The following DCUN1D4 variants were observed in gnomAD, a reference collection of about 807,000 sequenced individuals.
The protein encoded by DCUN1D4 is defective in cullin neddylation 1 domain containing 4, also known as DCN1-like protein 4.
Under a neutral mutation model 47.9 loss-of-function variants are expected in DCUN1D4, and 22 were observed. The observed-to-expected ratio is 0.46, with a 90% CI of 0.33 to 0.66. The LOEUF is 0.66. DCUN1D4 is among the 30% of genes least tolerant of loss of function. DCUN1D4 has a pLI of 0.02. For synonymous variants in DCUN1D4, 121 were observed against 112.2 expected (o/e 1.08, Z -0.50); for missense variants, 301 against 340.8 (o/e 0.88, Z 0.92).
upstream of DCUN1D4, among the ~76,000 whole-genome samples, chr4:51,841,101 A>G (rs1308611377): frequency 1.3e-5 from 2 of 152,252 alleles, no homozygotes; most frequent in Non-Finnish European, 2.9e-5. Flanking sequence ...ATTATAAAGT[A>G]TGCTGCAAAT....
At chr4:51,881,660 TAAAA>T (rs534474397) in intron 5 of DCUN1D4, among the ~76,000 whole-genome samples, 9 of 109,978 alleles carry the variant, frequency 8.2e-5, no homozygotes, top group Non-Finnish European at 9.5e-5. Context: ...AGATACAAGT[TAAAA>T]AAAAAAAAAA....
intron 5 of DCUN1D4, among the ~76,000 whole-genome samples, chr4:51,878,628 C>G (rs1459038819): frequency 6.6e-6 from 1 of 152,220 alleles, no homozygotes; most frequent in Non-Finnish European, 1.5e-5. Flanking sequence ...CCACTCCCCT[C>G]TAATCCCAAC....
chr4:51,905,179 T>TTATTTATAGTTCATATTTA, intron 8 of DCUN1D4: 1 of 454,094 alleles, frequency 2.2e-6, no homozygotes, highest in Non-Finnish European at 4.4e-6. Context: ...TGACTTGAAC[T>TTATTTATAGTTCATATTTA]TATTTATAGT....
intron 1 of DCUN1D4, among the ~76,000 whole-genome samples, chr4:51,846,063 A>G (rs140692828): frequency 6.6e-6 from 1 of 152,302 alleles, no homozygotes; most frequent in African/African-American, 2.4e-5. Flanking sequence ...TTTTTAAAGA[A>G]AATATGAAGC....
chr4:51,863,939 TC>T (rs1725492548), intron 3 of DCUN1D4, among the ~76,000 whole-genome samples: 2 of 152,334 alleles, frequency 1.3e-5, no homozygotes, highest in African/African-American at 4.8e-5. Flanking sequence ...CTCGGGATTC[TC>T]ATAGTTTCAA....
At chr4:51,836,980 T>C in the DCUN1D4 span, among the ~76,000 whole-genome samples, 1 of 152,190 alleles carries the variant, frequency 6.6e-6, no homozygotes, top group Admixed American at 6.5e-5. Flanking sequence ...CAGAAGCCAT[T>C]ATCCAAATAA....
intron 10 of DCUN1D4, 37 bp downstream of exon 10, chr4:51,913,429 A>G: frequency 6.3e-7 from 1 of 1,581,824 alleles, no homozygotes. Context: ...ATTCGTGTAC[A>G]TTTCTATATC....
Position 51,881,484 on chromosome 4 carries a change from A to T in DCUN1D4, c.343+3630A>T, listed in dbSNP as rs564700589. Among the ~76,000 whole-genome samples the T allele has an allele frequency of 3.3e-5, 5 of 152,266 alleles. No homozygotes were observed. In the East Asian group the frequency reaches 9.7e-4, roughly 30 times the overall value. ...CTCTGTGATGTGGTATGCTATAATT[A>T]TGGGGCCATTATGAAAAGGTCAAAT... On this transcript the variant is annotated intron_variant, in intron 5 of 10. Coordinates refer to ENST00000334635, the MANE Select transcript of DCUN1D4 (RefSeq NM_001040402.3).
chr4:51,866,220 A>T (rs1486662283), intron 3 of DCUN1D4, among the ~76,000 whole-genome samples: 1 of 152,208 alleles, frequency 6.6e-6, no homozygotes, highest in Non-Finnish European at 1.5e-5. Flanking sequence ...TAATTTTAAA[A>T]GCAGTATATT....
At chr4:51,845,740 A>G (rs1223912433) in intron 1 of DCUN1D4, among the ~76,000 whole-genome samples, 2 of 152,240 alleles carry the variant, frequency 1.3e-5, no homozygotes, top group African/African-American at 4.8e-5. Flanking sequence ...GATGATAAAA[A>G]TATTACCAAG....
chr4:51,835,163 T>A, the DCUN1D4 span, among the ~76,000 whole-genome samples: 1 of 152,202 alleles, frequency 6.6e-6, no homozygotes, highest in Non-Finnish European at 1.5e-5. Flanking sequence ...TGTAAAATGT[T>A]ATCAAAGAGG....
chr4:51,911,208 G>T (rs1358561556), intron 9 of DCUN1D4, 34 bp downstream of exon 9: 1 of 1,570,932 alleles, frequency 6.4e-7, no homozygotes, highest in East Asian at 2.2e-5. Context: ...ATGTATGTTT[G>T]CTTGCTTGGA....
intron 6 of DCUN1D4, among the ~76,000 whole-genome samples, chr4:51,888,081 A>G (rs9991392): frequency 0.37 from 56,471 of 151,894 alleles, 12,399 homozygotes; most frequent in East Asian, 0.61. Flanking sequence ...AACTGGGCCA[A>G]GCTTGGCAGA....
At chr4:51,891,691 G>GTATTAAAAACAAATTA in intron 6 of DCUN1D4, 69 bp from the exon 7 acceptor site, 1 of 1,239,932 alleles carries the variant, frequency 8.1e-7, no homozygotes, top group South Asian at 1.4e-5. Flanking sequence ...ATTAATGACA[G>GTATTAAAAACAAATTA]ATCTATTTGT....
At chr4:51,847,923 T>C (rs1022465106) in intron 1 of DCUN1D4, among the ~76,000 whole-genome samples, 6 of 152,346 alleles carry the variant, frequency 3.9e-5, no homozygotes, top group Non-Finnish European at 7.3e-5. Context: ...AATTAGATTA[T>C]TACCTTTTTG....
At position 51,915,939 on chromosome 4, in the gene DCUN1D4, G is replaced by A. The variant is rs775600783; in HGVS notation, c.*2355G>A. 5.9e-5 allele frequency: 9 copies of A among 152,344 alleles called. No individual in the cohort carries two copies. The highest frequency in any genetic ancestry group is 1.9e-4 in the East Asian group (1 of 5,180). 9.4% of individuals were successfully genotyped at this position (152,344 alleles called of 1,614,324 possible). ...AAATAAACCTCTTTGACTGCTGAGC[G>A]GCAGAGTGCTTACCCTTGATTGTCT... is the stretch of plus-strand genomic sequence containing the variant. On this transcript the variant is annotated 3_prime_UTR_variant, in exon 11 of 11. Coordinates refer to ENST00000334635, the MANE Select transcript of DCUN1D4 (RefSeq NM_001040402.3).
chr4:51,874,076 T>C (rs1727303254), intron 3 of DCUN1D4, among the ~76,000 whole-genome samples, 195 bp from the exon 4 acceptor site: 1 of 152,224 alleles, frequency 6.6e-6, no homozygotes, highest in Non-Finnish European at 1.5e-5. Context: ...ATTAACTTAT[T>C]TGTGTCGTCG....
At chr4:51,840,973 A>T (rs1266954882), upstream of DCUN1D4, among the ~76,000 whole-genome samples, 1 of 152,234 alleles carries the variant, frequency 6.6e-6, no homozygotes, top group East Asian at 1.9e-4. Flanking sequence ...GTTGAGAAAT[A>T]ACAGAGGTTG....
chr4:51,837,572 G>A, the DCUN1D4 span, among the ~76,000 whole-genome samples: 2 of 149,446 alleles, frequency 1.3e-5, no homozygotes, highest in South Asian at 2.1e-4. Flanking sequence ...GGAGAATGGC[G>A]TGAACCCGGA....
Sources: allele counts gnomAD v4.1 joint callset (sites outside exome capture counted in the v4.1 genomes callset), GRCh38; gene constraint gnomAD v4.1.1; transcripts MANE v1.5; gene names NCBI Gene and HGNC (gene_info 2026-07-23, HGNC 2026-07-21).